The following DCT variants were observed in gnomAD, a reference collection of about 807,000 sequenced individuals.
DCT encodes the protein dopachrome tautomerase, also known as L-dopachrome tautomerase.
A neutral mutation model predicts 53.0 loss-of-function variants in DCT; 47 were observed. The observed-to-expected ratio is 0.89, with a 90% CI of 0.70 to 1.13. The LOEUF is 1.13. Among genes scored for constraint, DCT ranks in the 50% most tolerant of loss-of-function variants. The pLI is 0.00. For missense variants in DCT, 669 were observed against 637.4 expected (o/e 1.05, Z -0.53); for synonymous variants, 244 against 237.0 (o/e 1.03, Z -0.27).
At chr13:94,472,876 C>G (rs181282303) in intron 1 of DCT, among the ~76,000 whole-genome samples, 265 of 151,982 alleles carry the variant, frequency 1.7e-3, no homozygotes, top group African/African-American at 6.1e-3. Flanking sequence ...GCCACCGCAC[C>G]CTGCCGTGAG....
At chr13:94,488,546 T>TGG in the DCT span, among the ~76,000 whole-genome samples, 1 of 152,036 alleles carries the variant, frequency 6.6e-6, no homozygotes, top group South Asian at 2.1e-4. Flanking sequence ...GTAACCTATT[T>TGG]CTACAAAAAA....
intron 6 of DCT, among the ~76,000 whole-genome samples, chr13:94,452,847 G>A (rs914519900): frequency 2.0e-5 from 3 of 151,764 alleles, no homozygotes; most frequent in African/African-American, 4.8e-5. Flanking sequence ...GGGACAGAGG[G>A]GTCTATAATA....
chr13:94,484,520 A>G (rs1304118159), upstream of DCT, among the ~76,000 whole-genome samples: 1 of 152,194 alleles, frequency 6.6e-6, no homozygotes, highest in Non-Finnish European at 1.5e-5. Flanking sequence ...ACAAAATGCC[A>G]TAGAGTAGAT....
At chr13:94,525,278 T>G in the DCT span, among the ~76,000 whole-genome samples, 1 of 152,018 alleles carries the variant, frequency 6.6e-6, no homozygotes, top group African/African-American at 2.4e-5. Flanking sequence ...TTTTTGGTAT[T>G]TTTAGTAGAG....
chr13:94,545,525 G>A, the DCT span, among the ~76,000 whole-genome samples: 3 of 151,992 alleles, frequency 2.0e-5, no homozygotes, highest in African/African-American at 2.4e-5. Flanking sequence ...CACAAAAGGC[G>A]CCTTAAATAA....
At chr13:94,467,232 A>G (rs867227382) in intron 2 of DCT, 1 of 152,234 alleles carries the variant, frequency 6.6e-6, no homozygotes, top group South Asian at 2.1e-4. Context: ...AGAGAGAAAA[A>G]TACATTCAAG....
chr13:94,447,211 C>A (rs1011185603), intron 6 of DCT, among the ~76,000 whole-genome samples: 15 of 152,176 alleles, frequency 9.9e-5, no homozygotes, highest in Non-Finnish European at 2.1e-4. Context: ...GGTCCCCAAC[C>A]TTTTTGGCAC....
the DCT span, among the ~76,000 whole-genome samples, chr13:94,545,183 A>T: frequency 6.6e-6 from 1 of 152,188 alleles, no homozygotes; most frequent in Non-Finnish European, 1.5e-5. Context: ...CACGCTTCAG[A>T]TGATGATGAT....
intron 1 of DCT, among the ~76,000 whole-genome samples, 174 bp from the exon 2 acceptor site, chr13:94,469,219 G>T (rs759010233): frequency 6.6e-6 from 1 of 152,088 alleles, no homozygotes; most frequent in Non-Finnish European, 1.5e-5. Flanking sequence ...TCTCCAAGTG[G>T]ACTAAGCACT....
At chr13:94,545,382 C>T in the DCT span, among the ~76,000 whole-genome samples, 1 of 152,072 alleles carries the variant, frequency 6.6e-6, no homozygotes. Context: ...GCCAGACTTG[C>T]AAGAAGTCTG....
At chr13:94,529,587 A>C in the DCT span, among the ~76,000 whole-genome samples, 1 of 152,236 alleles carries the variant, frequency 6.6e-6, no homozygotes, top group South Asian at 2.1e-4. Context: ...GTCCTTTGAA[A>C]CCAATGAGAA....
At chr13:94,539,856 G>A in the DCT span, among the ~76,000 whole-genome samples, 11 of 152,240 alleles carry the variant, frequency 7.2e-5, no homozygotes, top group African/African-American at 1.2e-4. Context: ...GCATTCAAAG[G>A]AGAAGTAATG....
rs1555333550 is a variant in DCT, at chr13:94,466,016, A to ATAC, written c.697-218_697-217insGTA. 3.2e-3 allele frequency among the ~76,000 whole-genome samples: 259 copies of ATAC among 80,974 alleles called. 4 individuals are homozygous for ATAC. The highest frequency in any genetic ancestry group is 5.1e-3 in the Non-Finnish European group (202 of 39,300). The allele number at this position is 80,974 out of a possible 152,430, so 53.1% of individuals were successfully genotyped here. On this transcript the variant is annotated intron_variant, in intron 3 of 7. Transcript: ENST00000377028. Reference sequence around the variant, plus strand: ...TATATATATATATATATATATATATATATATATACTGTGTACAATGGAGTA... The same window carrying ATAC: ...TATATATATATATATATATATATATATACTATATATACTGTGTACAATGGAGTA...
chr13:94,464,529 A>G (rs1178971029), intron 4 of DCT, among the ~76,000 whole-genome samples: 1 of 152,068 alleles, frequency 6.6e-6, no homozygotes, highest in Non-Finnish European at 1.5e-5. Context: ...AATCCCGGCT[A>G]CTCAGGAGGC....
At chr13:94,484,594 T>C (rs762426051), upstream of DCT, among the ~76,000 whole-genome samples, 24 of 152,218 alleles carry the variant, frequency 1.6e-4, no homozygotes, top group Non-Finnish European at 3.2e-4. Flanking sequence ...GAGCAAGGCA[T>C]GGGCAGGGTT....
At chr13:94,518,148 AG>A in the DCT span, among the ~76,000 whole-genome samples, 1,453 of 148,162 alleles carry the variant, frequency 9.8e-3, 40 homozygotes, top group African/African-American at 0.035. Flanking sequence ...GAAGGAAGGA[AG>A]GAAGGAATGA....
At chr13:94,498,462 C>T in the DCT span, among the ~76,000 whole-genome samples, 1 of 152,148 alleles carries the variant, frequency 6.6e-6, no homozygotes, top group Non-Finnish European at 1.5e-5. Flanking sequence ...AAGGGTGGAG[C>T]CCTCATGAAT....
Position 94,437,476 on chromosome 13 carries a change from T to C in DCT, c.*2422A>G, listed in dbSNP as rs1371985938. ...GGGAATTTAATGCACAAAGGAAAGA[T>C]GTTATTGCATTTTATCCCATTTCTG... On this transcript the variant is annotated 3_prime_UTR_variant, in exon 8 of 8. Coordinates refer to ENST00000377028, the MANE Select transcript of DCT (RefSeq NM_001922.5). 1 of 152,204 alleles carries C rather than the reference T, an allele frequency of 6.6e-6. No individual in the cohort carries two copies. Among genetic ancestry groups the C allele is most frequent in the African/African-American group, 2.4e-5 (1 of 41,466 alleles). 9.4% of individuals were successfully genotyped at this position (152,204 alleles called of 1,614,324 possible).
intron 7 of DCT, among the ~76,000 whole-genome samples, chr13:94,442,229 C>T (rs1213585310): frequency 6.6e-6 from 1 of 152,192 alleles, no homozygotes; most frequent in African/African-American, 2.4e-5. Context: ...TGATTGCTTT[C>T]TAGGCTGAGA....
Sources: allele counts gnomAD v4.1 joint callset (sites outside exome capture counted in the v4.1 genomes callset), GRCh38; gene constraint gnomAD v4.1.1; transcripts MANE v1.5; gene names NCBI Gene and HGNC (gene_info 2026-07-23, HGNC 2026-07-21).